SLC25A21: variants seen among roughly 807,000 people sequenced by gnomAD.
The protein encoded by SLC25A21 is mitochondrial 2-oxodicarboxylate carrier.
Under a neutral mutation model 43.8 loss-of-function variants are expected in SLC25A21, and 47 were observed. The ratio of observed to expected loss-of-function variants is 1.07; its 90% CI spans 0.85 to 1.37. The LOEUF (loss-of-function observed/expected upper bound fraction) is 1.37, where lower values mean the gene tolerates loss of function less well. Among genes scored for constraint, SLC25A21 ranks in the 40% most tolerant of loss-of-function variants. SLC25A21 has a pLI of 0.00. For missense variants in SLC25A21, 352 were observed against 350.2 expected (o/e 1.00, Z -0.04); for synonymous variants, 131 against 121.3 (o/e 1.08, Z -0.52).
At chr14:37,069,376 A>C (rs1306910852) in intron 1 of SLC25A21, among the ~76,000 whole-genome samples, 2 of 152,208 alleles carry the variant, frequency 1.3e-5, no homozygotes, top group African/African-American at 2.4e-5. Flanking sequence ...GCAACAGTAG[A>C]TTATGCCCTC....
intron 2 of SLC25A21, among the ~76,000 whole-genome samples, chr14:36,832,870 T>C (rs895769966): frequency 6.6e-6 from 1 of 152,206 alleles, no homozygotes; most frequent in Non-Finnish European, 1.5e-5. Context: ...TCCACCCTTT[T>C]TTGTGATTAA....
At chr14:37,119,114 G>A (rs536713838) in intron 1 of SLC25A21, among the ~76,000 whole-genome samples, 5 of 152,170 alleles carry the variant, frequency 3.3e-5, no homozygotes, top group South Asian at 2.1e-4. Context: ...TCCCACTGGC[G>A]CCATGACAGT....
At chr14:36,771,320 G>A (rs712328) in intron 3 of SLC25A21, among the ~76,000 whole-genome samples, 363 of 152,014 alleles carry the variant, frequency 2.4e-3, no homozygotes, top group Middle Eastern at 6.8e-3. Context: ...TGATTTAATC[G>A]TATTTTTGCA....
chr14:37,137,639 T>A (rs17106412), intron 1 of SLC25A21, among the ~76,000 whole-genome samples: 3 of 152,220 alleles, frequency 2.0e-5, no homozygotes, highest in Non-Finnish European at 4.4e-5. Flanking sequence ...TACTACATTG[T>A]AGGATCATGA....
chr14:37,073,948 T>C (rs1306859967), intron 1 of SLC25A21, among the ~76,000 whole-genome samples: 1 of 151,674 alleles, frequency 6.6e-6, no homozygotes, highest in Non-Finnish European at 1.5e-5. Context: ...AAAAATCATT[T>C]TGTGCATCTG....
chr14:37,119,230 T>C (rs1963161026), intron 1 of SLC25A21, among the ~76,000 whole-genome samples: 1 of 152,040 alleles, frequency 6.6e-6, no homozygotes, highest in Non-Finnish European at 1.5e-5. Context: ...AACTCATAAA[T>C]CCACCCCTTG....
intron 1 of SLC25A21, among the ~76,000 whole-genome samples, chr14:37,056,331 A>G (rs539937580): frequency 2.5e-3 from 387 of 152,168 alleles, no homozygotes; most frequent in Non-Finnish European, 3.5e-3. Context: ...TCTACTAAAA[A>G]TACAAAAAAT....
At chr14:37,139,033 C>A (rs535647640) in intron 1 of SLC25A21, among the ~76,000 whole-genome samples, 1 of 152,124 alleles carries the variant, frequency 6.6e-6, no homozygotes, top group East Asian at 1.9e-4. Flanking sequence ...ACGTGGAATT[C>A]CATAAAAGAT....
intron 1 of SLC25A21, among the ~76,000 whole-genome samples, chr14:37,040,162 T>C (rs1244432981): frequency 6.8e-6 from 1 of 146,328 alleles, no homozygotes; most frequent in Non-Finnish European, 1.5e-5. Flanking sequence ...ATTGAGCCAC[T>C]GTACTCCAGC....
intron 1 of SLC25A21, among the ~76,000 whole-genome samples, chr14:36,960,255 C>A (rs1007635616): frequency 5.3e-5 from 8 of 152,050 alleles, no homozygotes; most frequent in Middle Eastern, 3.2e-3. Context: ...ATTAGCTTGA[C>A]CACTAAAACA....
At chr14:37,101,241 C>T (rs1429723342) in intron 1 of SLC25A21, among the ~76,000 whole-genome samples, 1 of 152,184 alleles carries the variant, frequency 6.6e-6, no homozygotes, top group African/African-American at 2.4e-5. Context: ...AAAATTTCCA[C>T]TACAAACAGT....
chr14:36,999,142 T>C (rs985575979), intron 1 of SLC25A21, among the ~76,000 whole-genome samples: 4 of 152,194 alleles, frequency 2.6e-5, no homozygotes, highest in Admixed American at 2.0e-4. Context: ...TGGGAAGCAG[T>C]AGGTGAATGG....
intron 3 of SLC25A21, among the ~76,000 whole-genome samples, chr14:36,791,145 A>G (rs1887471303): frequency 6.6e-6 from 1 of 152,140 alleles, no homozygotes. Flanking sequence ...TAAATCTAAA[A>G]CATTTCAGAG....
intron 7 of SLC25A21, among the ~76,000 whole-genome samples, chr14:36,696,320 T>C (rs1169877195): frequency 1.3e-5 from 2 of 152,250 alleles, no homozygotes; most frequent in South Asian, 2.1e-4. Context: ...CAGTATTTTA[T>C]TGAGGATTTT....
chr14:36,900,297 T>C (rs937706147), intron 1 of SLC25A21, among the ~76,000 whole-genome samples: 1 of 152,064 alleles, frequency 6.6e-6, no homozygotes, highest in Admixed American at 6.5e-5. Context: ...CCCTGGCCAA[T>C]TGCTGTGGCC....
intron 7 of SLC25A21, among the ~76,000 whole-genome samples, chr14:36,699,054 G>A (rs1000679375): frequency 4.0e-5 from 6 of 150,552 alleles, no homozygotes; most frequent in African/African-American, 1.5e-4. Flanking sequence ...CCATCTTTGT[G>A]GTTTTATCTG....
intron 1 of SLC25A21, among the ~76,000 whole-genome samples, chr14:36,918,919 C>A (rs1326501387): frequency 6.6e-6 from 1 of 151,754 alleles, no homozygotes; most frequent in East Asian, 1.9e-4. Flanking sequence ...ATTTAACAAC[C>A]CTCCTCTGTG....
rs1032992831 is a variant in SLC25A21, at chr14:37,135,140, C to A, written c.70+37141G>T. 5.3e-5 allele frequency among the ~76,000 whole-genome samples: 8 copies of A among 152,158 alleles called. No individual in the cohort carries two copies. The East Asian group carries it at 1.5e-3, about 29-fold the overall frequency. ...AAGGGGTTTTACGTTGTTGACCAGGCTGATCTCGAACTCCTGACCTCAAGT... is the reference window on the plus strand; with the variant it reads ...AAGGGGTTTTACGTTGTTGACCAGGATGATCTCGAACTCCTGACCTCAAGT... On this transcript the variant is annotated intron_variant, in intron 1 of 9. Coordinates refer to ENST00000331299, the MANE Select transcript of SLC25A21 (RefSeq NM_030631.4).
intron 1 of SLC25A21, among the ~76,000 whole-genome samples, chr14:37,119,853 T>C (rs916633894): frequency 3.9e-5 from 6 of 152,134 alleles, no homozygotes; most frequent in Non-Finnish European, 5.9e-5. Context: ...TACAAAGATC[T>C]TACTGTACAC....
Sources: gnomAD v4.1 joint callset for allele counts (sites outside exome capture counted in the v4.1 genomes callset) on GRCh38, gnomAD v4.1.1 for gene constraint, MANE v1.5 for transcripts, NCBI Gene and HGNC (gene_info 2026-07-23, HGNC 2026-07-21) for gene names.